Variants in DMXL2 observed in about 807,000 individuals in gnomAD.
DMXL2 encodes Dmx like 2.
A neutral mutation model predicts 331.1 loss-of-function variants in DMXL2; 103 were observed. The ratio of observed to expected loss-of-function variants is 0.31; its 90% confidence interval spans 0.27 to 0.37. The LOEUF is 0.37. DMXL2 is among the 10% of genes least tolerant of loss of function. The probability of loss-of-function intolerance (pLI) is 1.00; values close to 1 mark genes in which losing one functional copy is unlikely to be tolerated. For missense variants in DMXL2, 3,171 were observed against 3,642.9 expected (o/e 0.87, Z 3.33); for synonymous variants, 1,281 against 1,252.1 (o/e 1.02, Z -0.49).
At position 51,498,699 on chromosome 15, in the gene DMXL2, C is replaced by T. The variant is rs1789387242; in HGVS notation, c.4525G>A (p.Glu1509Lys). 6.2e-6 allele frequency: 10 copies of T among 1,614,134 alleles called. No individual in the cohort carries two copies. The highest frequency in any genetic ancestry group is 8.5e-6 in the Non-Finnish European group (10 of 1,180,026). The change falls in exon 18 of 44, where the codon GAA becomes AAA. Residue 1509 changes from glutamate to lysine, a missense_variant. Glu to Lys is a moderately conservative substitution (Grantham distance 56). Coordinates refer to ENST00000560891, the MANE Select transcript of DMXL2 (RefSeq NM_001378457.1). ...SQYGPAYFGQ[E>K]HARVLSSHLM... is the part of the protein sequence containing the mutation. ...TGACTTGAAAGTACCCTTGCATGTT[C>T]TTGGCCAAAGTAAGCTGGTCCATAT...
intron 26 of DMXL2, among the ~76,000 whole-genome samples, chr15:51,477,061 T>C (rs936983884): frequency 1.3e-5 from 2 of 152,088 alleles, no homozygotes; most frequent in African/African-American, 4.8e-5. Flanking sequence ...CTGCTGGTAC[T>C]AGGATACAGT....
chr15:51,535,877 T>A (rs1385815660), intron 12 of DMXL2, 93 bp from the exon 13 acceptor site: 76 of 1,400,542 alleles, frequency 5.4e-5, no homozygotes, highest in Non-Finnish European at 7.1e-5. Context: ...ACATTTTTTT[T>A]AGGCTTAACC....
intron 6 of DMXL2, among the ~76,000 whole-genome samples, chr15:51,555,145 G>A (rs1167905515): frequency 6.6e-6 from 1 of 152,170 alleles, no homozygotes; most frequent in Non-Finnish European, 1.5e-5. Flanking sequence ...GCGACAGTGA[G>A]AGACTCTGTC....
At chr15:51,457,193 A>C in intron 37 of DMXL2, 135 bp downstream of exon 37, 2 of 942,432 alleles carry the variant, frequency 2.1e-6, no homozygotes, top group Non-Finnish European at 3.1e-6. Flanking sequence ...GCCACAATAA[A>C]TGTCAGCTGT....
intron 1 of DMXL2, among the ~76,000 whole-genome samples, chr15:51,619,776 T>C (rs1413327833): frequency 6.6e-6 from 1 of 152,176 alleles, no homozygotes; most frequent in Non-Finnish European, 1.5e-5. Flanking sequence ...TGCAAGACAG[T>C]AGTTCCTTCT....
At chr15:51,455,408 A>AT (rs1000286147) in intron 39 of DMXL2, among the ~76,000 whole-genome samples, 180 bp from the exon 40 acceptor site, 5 of 151,852 alleles carry the variant, frequency 3.3e-5, no homozygotes, top group Admixed American at 2.6e-4. Flanking sequence ...TTTTTTTTAA[A>AT]TTTTTTTAGA....
In DMXL2 at chr15:51,499,208, A is replaced by C. The variant is rs200839633; in HGVS notation, c.4016T>G (p.Val1339Gly). The C allele has an allele frequency of 1.3e-5, 21 of 1,613,986 alleles. No individual in the cohort carries two copies. The highest frequency in any genetic ancestry group is 1.6e-4 in the Middle Eastern group (1 of 6,084). Residue 1339 changes from valine to glycine, a missense_variant, in exon 18 of 44, where the codon GTA becomes GGA. Around this residue, in one of 7 missense-constraint regions of DMXL2, gnomAD observed 1,674 missense variants for 1,780.2 expected, o/e 0.94. Coordinates refer to ENST00000560891, the MANE Select transcript of DMXL2 (RefSeq NM_001378457.1). ...ATATTGTGGAAGAGTAGGGGAAAGT[A>C]CATGTGCAGCCTCAAATAAGCCACC... is the stretch of plus-strand genomic sequence containing the variant. ...QDGGLFEAAH[V>G]LSPTLPQYHP...
chr15:51,591,101 A>G (rs532282602), intron 1 of DMXL2, among the ~76,000 whole-genome samples: 120 of 152,322 alleles, frequency 7.9e-4, no homozygotes, highest in Admixed American at 1.5e-3. Flanking sequence ...CAGTGGATGC[A>G]GTGCACCGAA....
chr15:51,575,524 T>C (rs1001248556), intron 2 of DMXL2, among the ~76,000 whole-genome samples: 18 of 152,240 alleles, frequency 1.2e-4, no homozygotes, highest in African/African-American at 4.1e-4. Context: ...GAGGTACATA[T>C]GATGAAATTT....
chr15:51,455,917 A>G, intron 39 of DMXL2, 149 bp downstream of exon 39: 1 of 866,940 alleles, frequency 1.2e-6, no homozygotes, highest in East Asian at 2.5e-5. Context: ...ATTGGAAGAA[A>G]AGAGAGTGTA....
At chr15:51,567,060 T>TTTTTTTTG (rs397955281) in intron 3 of DMXL2, 2 of 149,834 alleles carry the variant, frequency 1.3e-5, no homozygotes, top group Admixed American at 6.7e-5. Flanking sequence ...TTTTTTTTTT[T>TTTTTTTTG]GAGATGGAGT....
At chr15:51,554,108 T>C (rs1257811250) in intron 6 of DMXL2, among the ~76,000 whole-genome samples, 7 of 152,192 alleles carry the variant, frequency 4.6e-5, no homozygotes, top group Non-Finnish European at 8.8e-5. Context: ...GTGTGTACAA[T>C]ATCCAAGCTG....
At chr15:51,500,593 G>T (rs962102248) in intron 17 of DMXL2, among the ~76,000 whole-genome samples, 3 of 152,128 alleles carry the variant, frequency 2.0e-5, no homozygotes, top group Admixed American at 6.5e-5. Flanking sequence ...TGCCTCCTTA[G>T]AATTTCATAC....
chr15:51,457,265 G>C (rs1387976960), intron 37 of DMXL2, 63 bp downstream of exon 37: 2 of 1,547,392 alleles, frequency 1.3e-6, no homozygotes, highest in Admixed American at 1.8e-5. Context: ...CTATGTCAAA[G>C]AGATTCCAAC....
At chr15:51,575,132 G>A (rs2050935663) in intron 2 of DMXL2, among the ~76,000 whole-genome samples, 1 of 152,150 alleles carries the variant, frequency 6.6e-6, no homozygotes, top group South Asian at 2.1e-4. Context: ...TCACTGAACT[G>A]TCAAGTACTG....
intron 33 of DMXL2, among the ~76,000 whole-genome samples, chr15:51,462,345 T>C (rs192826111): frequency 1.6e-4 from 25 of 152,092 alleles, no homozygotes; most frequent in Non-Finnish European, 2.8e-4. Flanking sequence ...CAAATCTTTA[T>C]TTTTTTTGAG....
chr15:51,535,041 T>A (rs1375309897), intron 13 of DMXL2, among the ~76,000 whole-genome samples: 1 of 152,196 alleles, frequency 6.6e-6, no homozygotes, highest in Non-Finnish European at 1.5e-5. Flanking sequence ...GTCTGAAACT[T>A]ATATTTTGTA....
In DMXL2 at chr15:51,451,671, ATTAATGTGTCCCAGAGGCAAACATTTCTT is replaced by A; in HGVS notation, c.8697-3_8722del. The A allele has an allele frequency of 6.2e-7, 1 of 1,613,060 alleles. No homozygotes were observed. The highest frequency in any genetic ancestry group is 8.5e-7 in the Non-Finnish European group (1 of 1,179,396). On this transcript the variant is annotated splice_acceptor_variant and splice_polypyrimidine_tract_variant and coding_sequence_variant and intron_variant, in exon 42 of 44. Transcript: ENST00000560891. LOFTEE classifies it high-confidence loss of function. ...ATGAATGAGGCTGTTTCCGGGTGATATTAATGTGTCCCAGAGGCAAACATTTCTTTTAAAGAAACACAATAACAAAAATA... is the reference window on the plus strand; with the variant it reads ...ATGAATGAGGCTGTTTCCGGGTGATATTAAAGAAACACAATAACAAAAATA...
At chr15:51,539,732 C>T (rs902393895) in intron 9 of DMXL2, among the ~76,000 whole-genome samples, 7 of 152,030 alleles carry the variant, frequency 4.6e-5, no homozygotes, top group African/African-American at 1.2e-4. Context: ...TTGCCTGAGC[C>T]GGAGAGGTCA....
Sources: gnomAD v4.1 joint callset for allele counts (sites outside exome capture counted in the v4.1 genomes callset) on GRCh38, gnomAD v4.1.1 for gene constraint, gnomAD v4.1.1 regional missense constraint, MANE v1.5 for transcripts, NCBI Gene and HGNC (gene_info 2026-07-23, HGNC 2026-07-21) for gene names.